Variants in COL26A1 observed in about 807,000 individuals in gnomAD.
The protein encoded by COL26A1 is collagen alpha-1(XXVI) chain.
COL26A1 carries 41 observed loss-of-function variants against 59.3 expected under a neutral mutation model. The ratio of observed to expected loss-of-function variants is 0.69; its 90% CI spans 0.54 to 0.90. The LOEUF (loss-of-function observed/expected upper bound fraction) is 0.90, where lower values mean the gene tolerates loss of function less well. Among genes scored for constraint, COL26A1 ranks in the 40% least tolerant of loss-of-function variants. The pLI is 0.00. For synonymous variants in COL26A1, 266 were observed against 256.0 expected, an observed-to-expected ratio of 1.04 and a Z score of -0.37; for missense variants, 612 against 602.3, an observed-to-expected ratio of 1.02 and a Z score of -0.17.
chr7:101,556,511 T>C (rs576100858), intron 12 of COL26A1, among the ~76,000 whole-genome samples: 1 of 151,754 alleles, frequency 6.6e-6, no homozygotes, highest in South Asian at 2.1e-4. Flanking sequence ...GAATGAATTG[T>C]TGAATGGACA....
At chr7:101,534,658 C>T (rs375169180) in intron 4 of COL26A1, among the ~76,000 whole-genome samples, 6 of 44,262 alleles carry the variant, frequency 1.4e-4, no homozygotes, top group Admixed American at 2.1e-4. Context: ...TACATATACA[C>T]ACACACACAC....
intron 3 of COL26A1, among the ~76,000 whole-genome samples, chr7:101,509,320 C>T (rs905104115): frequency 9.2e-5 from 14 of 151,882 alleles, no homozygotes; most frequent in South Asian, 6.2e-4. Flanking sequence ...GTAGCAGGCG[C>T]CTGTAATCCC....
At chr7:101,464,055 T>C (rs554988092) in intron 3 of COL26A1, among the ~76,000 whole-genome samples, 1 of 151,806 alleles carries the variant, frequency 6.6e-6, no homozygotes, top group Admixed American at 6.6e-5. Context: ...AGCCTCGACG[T>C]CCTGGGCTCA....
intron 1 of COL26A1, among the ~76,000 whole-genome samples, chr7:101,378,937 G>A (rs1224627361): frequency 6.6e-6 from 1 of 151,998 alleles, no homozygotes; most frequent in African/African-American, 2.4e-5. Context: ...GCGGCCCCTG[G>A]AGGCGACCAG....
At chr7:101,392,362 C>T (rs536899985) in intron 1 of COL26A1, among the ~76,000 whole-genome samples, 8 of 150,828 alleles carry the variant, frequency 5.3e-5, no homozygotes, top group African/African-American at 1.5e-4. Context: ...AGGTGCCTTC[C>T]GTACCAGCTA....
intron 3 of COL26A1, among the ~76,000 whole-genome samples, chr7:101,466,496 G>A (rs1010531510): frequency 3.3e-5 from 5 of 152,070 alleles, no homozygotes; most frequent in African/African-American, 1.2e-4. Context: ...GAGGCCAGGA[G>A]TTAGAGACTA....
chr7:101,382,203 C>T (rs1264142352), intron 1 of COL26A1, among the ~76,000 whole-genome samples: 2 of 152,020 alleles, frequency 1.3e-5, no homozygotes, highest in Non-Finnish European at 2.9e-5. Flanking sequence ...TGCATGCTAC[C>T]ATATCTGGTC....
In COL26A1 at chr7:101,416,651, C is replaced by T. The variant is rs574065445; in HGVS notation, c.159-3326C>T. On this transcript the variant is annotated intron_variant, in intron 1 of 12. Transcript: ENST00000313669. ...TGGGAAAGGTCACAGCTTAGATTTG[C>T]AGCTCATCGGTTTGCCCTTTAGCTG... Among the ~76,000 whole-genome samples, 2 of 144,058 alleles carry T rather than the reference C, an allele frequency of 1.4e-5. 1 individual carries two copies. Among genetic ancestry groups the T allele is most frequent in the Non-Finnish European group, 3.1e-5 (2 of 63,538 alleles). 94.5% of individuals were successfully genotyped at this position (144,058 alleles called of 152,430 possible).
chr7:101,475,904 T>C (rs201450938), intron 3 of COL26A1, among the ~76,000 whole-genome samples: 2,697 of 117,842 alleles, frequency 0.023, 35 homozygotes, highest in Non-Finnish European at 0.033. Context: ...TTCTCTCTCT[T>C]TCTCTCTCTC....
At chr7:101,438,724 G>T (rs1344825245) in intron 2 of COL26A1, among the ~76,000 whole-genome samples, 1 of 151,468 alleles carries the variant, frequency 6.6e-6, no homozygotes, top group Non-Finnish European at 1.5e-5. Context: ...AGGCTGGAGT[G>T]CAGTGGTGTG....
chr7:101,555,623 T>C (rs1455767522), intron 11 of COL26A1, among the ~76,000 whole-genome samples, 164 bp from the exon 12 acceptor site: 3 of 152,026 alleles, frequency 2.0e-5, no homozygotes, highest in African/African-American at 7.3e-5. Flanking sequence ...GTCTGGCACA[T>C]AGTTGATGAT....
intron 3 of COL26A1, among the ~76,000 whole-genome samples, chr7:101,489,846 CTTT>C: frequency 4.2e-5 from 1 of 23,768 alleles, no homozygotes; most frequent in Non-Finnish European, 6.9e-5. Flanking sequence ...TTCTTTCTTT[CTTT>C]CTTTCTTTCT....
At chr7:101,494,282 A>G (rs748505949) in intron 3 of COL26A1, among the ~76,000 whole-genome samples, 3 of 152,024 alleles carry the variant, frequency 2.0e-5, no homozygotes, top group Non-Finnish European at 4.4e-5. Flanking sequence ...ACTTGCCACC[A>G]TGCCCGGCTA....
intron 2 of COL26A1, among the ~76,000 whole-genome samples, chr7:101,435,067 G>A (rs1280693331): frequency 1.3e-5 from 2 of 152,298 alleles, no homozygotes; most frequent in East Asian, 1.9e-4. Context: ...GCTCACGCCT[G>A]TAATCCTAGC....
chr7:101,417,844 C>T (rs1171651705), intron 1 of COL26A1, among the ~76,000 whole-genome samples: 1 of 151,910 alleles, frequency 6.6e-6, no homozygotes, highest in Non-Finnish European at 1.5e-5. Context: ...GTCTCAGCCT[C>T]CCAAGTAGCT....
chr7:101,518,317 G>C (rs967574101), intron 3 of COL26A1, among the ~76,000 whole-genome samples: 3 of 152,268 alleles, frequency 2.0e-5, no homozygotes, highest in South Asian at 4.2e-4. Flanking sequence ...CAGCCCTCTG[G>C]GGTTCAGAGT....
chr7:101,403,783 C>T (rs540971102), intron 1 of COL26A1, among the ~76,000 whole-genome samples: 29 of 152,176 alleles, frequency 1.9e-4, no homozygotes, highest in African/African-American at 6.7e-4. Flanking sequence ...CAGGATTATC[C>T]TGGTTAAATT....
chr7:101,543,193 A>G (rs1795655324), intron 5 of COL26A1, among the ~76,000 whole-genome samples: 1 of 150,616 alleles, frequency 6.6e-6, no homozygotes, highest in African/African-American at 2.5e-5. Context: ...TTTTTCTGAG[A>G]CGGTCTCGCT....
chr7:101,401,159 A>G (rs1234924717), intron 1 of COL26A1, among the ~76,000 whole-genome samples: 4 of 152,200 alleles, frequency 2.6e-5, no homozygotes, highest in African/African-American at 9.6e-5. Context: ...GAGAAGGCAT[A>G]GGGGTAAGGC....
Sources: allele counts gnomAD v4.1 joint callset (sites outside exome capture counted in the v4.1 genomes callset), GRCh38; gene constraint gnomAD v4.1.1; transcripts MANE v1.5; gene names NCBI Gene and HGNC (gene_info 2026-07-23, HGNC 2026-07-21).